Variants in AK1 observed in about 807,000 individuals in gnomAD.
AK1 encodes adenylate kinase 1, also known as adenylate kinase isoenzyme 1.
A neutral mutation model predicts 23.9 loss-of-function variants in AK1; 13 were observed. That is an observed-to-expected ratio of 0.54 (90% CI 0.35 to 0.86). The LOEUF is 0.86. Among genes scored for constraint, AK1 ranks in the 40% least tolerant of loss-of-function variants. AK1 has a pLI of 0.01. For missense variants in AK1, 214 were observed against 255.1 expected (o/e 0.84, Z 1.10); for synonymous variants, 97 against 102.8 (o/e 0.94, Z 0.34).
chr9:127,875,223 G>A (rs899385191), intron 1 of AK1, among the ~76,000 whole-genome samples: 1 of 151,918 alleles, frequency 6.6e-6, no homozygotes, highest in Admixed American at 6.6e-5. Context: ...AAAGTGAGGC[G>A]GTCCCAGGCT....
At chr9:127,870,479 G>A (rs1409427732) in intron 5 of AK1, among the ~76,000 whole-genome samples, 2 of 152,114 alleles carry the variant, frequency 1.3e-5, no homozygotes, top group Non-Finnish European at 2.9e-5. Context: ...GATCTCAGGC[G>A]TGAGCCACTG....
At chr9:127,874,986 A>G in intron 1 of AK1, 1 of 312,524 alleles carries the variant, frequency 3.2e-6, no homozygotes, top group Non-Finnish European at 6.3e-6. Flanking sequence ...ACAACTGCAG[A>G]GCTGCTCCCC....
Position 127,871,722 on chromosome 9 carries a change from G to C in AK1, c.324+101C>G. On this transcript the variant is annotated intron_variant, in intron 5 of 6. Coordinates refer to ENST00000644144, the MANE Select transcript of AK1 (RefSeq NM_000476.3). The surrounding 1 kb of genome is among the most constrained non-coding windows in gnomAD (Gnocchi z 4.4). ...CACTCCATGAATCAGCCTCTGCTCAGAACTCTGACCTGCATCACAGCCCCC... is the reference window on the plus strand; with the variant it reads ...CACTCCATGAATCAGCCTCTGCTCACAACTCTGACCTGCATCACAGCCCCC... 2 of 931,624 alleles carry C rather than the reference G, an allele frequency of 2.1e-6. No individual in the cohort carries two copies. Among genetic ancestry groups the C allele is most frequent in the Non-Finnish European group, 3.5e-6 (2 of 571,954 alleles). 57.7% of individuals were successfully genotyped at this position (931,624 alleles called of 1,614,324 possible).
At chr9:127,874,465 G>A in intron 2 of AK1, 146 bp downstream of exon 2, 1 of 1,585,742 alleles carries the variant, frequency 6.3e-7, no homozygotes, top group Non-Finnish European at 8.6e-7. Flanking sequence ...GCCAGAGGAG[G>A]ATACTGGAGG....
In AK1 at chr9:127,871,620, G is replaced by A. The variant is rs743540; in HGVS notation, c.324+203C>T. Among the ~76,000 whole-genome samples the A allele has an allele frequency of 1.3e-5, 2 of 150,942 alleles. No homozygotes were observed. Among genetic ancestry groups the A allele is most frequent in the Non-Finnish European group, 2.9e-5 (2 of 67,896 alleles). Reference sequence around the variant, plus strand: ...GAATCTGAGCCCAGGTTTGGCAACTGCCCCTCCTGGCGCTTCCCCTTCTAC... The same window carrying A: ...GAATCTGAGCCCAGGTTTGGCAACTACCCCTCCTGGCGCTTCCCCTTCTAC... On this transcript the variant is annotated intron_variant, in intron 5 of 6. Coordinates refer to ENST00000644144, the MANE Select transcript of AK1 (RefSeq NM_000476.3). The surrounding 1 kb of genome is among the most constrained non-coding windows in gnomAD (Gnocchi z 4.4).
Position 127,877,423 on chromosome 9 carries a change from T to C in AK1, c.-33+200A>G, listed in dbSNP as rs1829566499. On this transcript the variant is annotated intron_variant, in intron 1 of 6. Coordinates refer to ENST00000644144, the MANE Select transcript of AK1 (RefSeq NM_000476.3). This position sits in a 1 kb window ranked among gnomAD's most constrained non-coding sequence, Gnocchi z 5.2. ...ACACACACGCACACACACGCACGGA[T>C]CCACAAAGGCACAGGCAGCGAGGCA... Among the ~76,000 whole-genome samples, 1 of 151,344 alleles carries C rather than the reference T, an allele frequency of 6.6e-6. No homozygotes were observed. Among genetic ancestry groups the C allele is most frequent in the South Asian group, 2.1e-4 (1 of 4,790 alleles).
intron 1 of AK1, among the ~76,000 whole-genome samples, chr9:127,876,232 CT>C (rs1369286414): frequency 2.0e-5 from 3 of 152,342 alleles, no homozygotes; most frequent in South Asian, 2.1e-4. Flanking sequence ...CAGGTGCCTC[CT>C]GGAAACCTGC....
Position 127,873,389 on chromosome 9 carries a change from G to A in AK1, c.8-328C>T, listed in dbSNP as rs377145679. ...TGTGGGTGCCTGGACCCCGGGGCCG[G>A]TCACCTCTGGCTCTCAGATCGTCTT... On this transcript the variant is annotated intron_variant, in intron 2 of 6. Transcript: ENST00000644144. The A allele has an allele frequency of 1.8e-4, 286 of 1,582,076 alleles. 1 individual carries two copies. The highest frequency in any genetic ancestry group is 4.5e-4 in the South Asian group (39 of 87,006).
Position 127,874,397 on chromosome 9 carries a change from C to T in AK1, c.7+214G>A, listed in dbSNP as rs1177562111. 4 of 985,250 alleles carry T rather than the reference C, an allele frequency of 4.1e-6. No homozygotes were observed. The African/African-American group carries it at 7.0e-5, about 17-fold the overall frequency. The allele number at this position is 985,250 out of a possible 1,614,324, so 61.0% of individuals were successfully genotyped here. On this transcript the variant is annotated intron_variant, in intron 2 of 6. Transcript: ENST00000644144. The stretch of plus-strand genomic sequence containing the variant: ...GGTGTGCGCTGGGGCCCTCAGGAGC[C>T]TTGGGGAGGCCTCGTCACGTCTAAA...
intron 1 of AK1, among the ~76,000 whole-genome samples, chr9:127,875,807 G>A (rs1466978713): frequency 6.6e-6 from 1 of 151,986 alleles, no homozygotes; most frequent in Admixed American, 6.5e-5. Context: ...CACACCCACT[G>A]CCCAACCCTC....
intron 4 of AK1, 98 bp from the exon 5 acceptor site, chr9:127,872,037 T>A (rs1564472934): frequency 1.3e-5 from 14 of 1,040,898 alleles, no homozygotes. Context: ...AAATGCCCTC[T>A]CCCCAACACA....
rs760235278 is a variant in AK1, at chr9:127,868,336, A to G, written c.501T>C (p.Arg167=). Residue 167 remains arginine, a synonymous_variant, in exon 6 of 7, where the codon CGT becomes CGC. Transcript: ENST00000644144. The surrounding 1 kb of genome is among the most constrained non-coding windows in gnomAD (Gnocchi z 4.1). ...TEPVIAFYEK[R]GIVRKVNAEG... is the part of the protein sequence containing the mutation. ...CGGGGCCCACCTTGCGCACAATGCC[A>G]CGTTTCTCATAGAAGGCGATGACAG... 1.4e-4 allele frequency: 216 copies of G among 1,596,724 alleles called. No homozygotes were observed. The highest frequency in any genetic ancestry group is 1.8e-4 in the Non-Finnish European group (207 of 1,171,650).
chr9:127,867,733 G>A lies in AK1; in HGVS notation c.*275C>T. On this transcript the variant is annotated 3_prime_UTR_variant, in exon 7 of 7. Coordinates refer to ENST00000644144, the MANE Select transcript of AK1 (RefSeq NM_000476.3). ...AGAGGAGGGGTGGCTGGCAAAGGGA[G>A]GCTGAGGAGGAACGGAGGGTTGAGG... 2.2e-6 allele frequency: 1 copy of A among 445,200 alleles called. No homozygotes were observed. The allele number at this position is 445,200 out of a possible 1,614,324, so 27.6% of individuals were successfully genotyped here.
chr9:127,867,808 C>G lies in AK1; in HGVS notation c.*200G>C. ...GCACAAGCACATGAATCAACTCCAA[C>G]TGGAAGCAGAGAAAAAGCAGTAAAA... is the stretch of plus-strand genomic sequence containing the variant. On this transcript the variant is annotated 3_prime_UTR_variant, in exon 7 of 7. Transcript: ENST00000644144. The G allele has an allele frequency of 1.7e-6, 1 of 588,666 alleles. No homozygotes were observed. Among genetic ancestry groups the G allele is most frequent in the Non-Finnish European group, 3.1e-6 (1 of 327,662 alleles). 36.5% of individuals were successfully genotyped at this position (588,666 alleles called of 1,614,324 possible). A position where few individuals can be genotyped will look rare whatever the true frequency, so the allele number is the denominator to read the frequency against.
At chr9:127,872,968 G>C in intron 3 of AK1, 58 bp downstream of exon 3, 1 of 1,613,666 alleles carries the variant, frequency 6.2e-7, no homozygotes, top group Non-Finnish European at 8.5e-7. Context: ...CCCAGGCCCG[G>C]GCTCCCTCCA....
chr9:127,869,498 A>T (rs544363087), intron 5 of AK1: 1 of 150,882 alleles, frequency 6.6e-6, no homozygotes, highest in African/African-American at 2.4e-5. Flanking sequence ...AAGCAGCCTG[A>T]CCTCCGGCGT....
In AK1 at chr9:127,868,520, C is replaced by G; in HGVS notation, c.325-8G>C. On this transcript the variant is annotated splice_polypyrimidine_tract_variant and splice_region_variant and intron_variant, in intron 5 of 6. Coordinates refer to ENST00000644144, the MANE Select transcript of AK1 (RefSeq NM_000476.3). This position sits in a 1 kb window ranked among gnomAD's most constrained non-coding sequence, Gnocchi z 4.1. ...CAGTGTGGGCTGTCCAATCTGCAGGCGGGCACCATGTCACAGGGACCCCAT... is the reference window on the plus strand; with the variant it reads ...CAGTGTGGGCTGTCCAATCTGCAGGGGGGCACCATGTCACAGGGACCCCAT... The G allele has an allele frequency of 6.4e-7, 1 of 1,571,578 alleles. No individual in the cohort carries two copies. Among genetic ancestry groups the G allele is most frequent in the Non-Finnish European group, 8.6e-7 (1 of 1,157,998 alleles).
At chr9:127,873,425 G>A (rs765324583) in intron 2 of AK1, 3 of 1,564,616 alleles carry the variant, frequency 1.9e-6, no homozygotes, top group Non-Finnish European at 2.6e-6. Context: ...CTCTGCGGGG[G>A]TCACTCGAGG....
rs577125839 is a variant in AK1, at chr9:127,868,774, C to G, written c.325-262G>C. On this transcript the variant is annotated intron_variant, in intron 5 of 6. Coordinates refer to ENST00000644144, the MANE Select transcript of AK1 (RefSeq NM_000476.3). This position sits in a 1 kb window ranked among gnomAD's most constrained non-coding sequence, Gnocchi z 4.1. ...AGCCTGACTCTCTCTGCTCTAGGCT[C>G]TCATCAACCTCCTTCCATGCCAGAC... Among the ~76,000 whole-genome samples, 189 of 152,300 alleles carry G rather than the reference C, an allele frequency of 1.2e-3. No individual in the cohort carries two copies. Among genetic ancestry groups the G allele is most frequent in the Admixed American group, 2.4e-3 (36 of 15,300 alleles).
Sources: allele counts gnomAD v4.1 joint callset (sites outside exome capture counted in the v4.1 genomes callset), GRCh38; gene constraint gnomAD v4.1.1; non-coding constraint Gnocchi (gnomAD v3.1); transcripts MANE v1.5; gene names NCBI Gene and HGNC (gene_info 2026-07-23, HGNC 2026-07-21).